Variants in FAM135A observed in about 807,000 individuals in gnomAD.
FAM135A encodes the protein protein FAM135A.
FAM135A carries 79 observed loss-of-function variants against 146.8 expected under a neutral mutation model. That is an observed-to-expected ratio of 0.54 (90% CI 0.45 to 0.65). FAM135A has a LOEUF of 0.65. FAM135A is among the 30% of genes least tolerant of loss of function. The pLI is 0.00. For synonymous variants in FAM135A, 562 were observed against 603.6 expected (o/e 0.93, Z 1.01); for missense variants, 1,623 against 1,758.2 (o/e 0.92, Z 1.38).
chr6:70,471,210 A>G (rs1428843637), intron 5 of FAM135A, among the ~76,000 whole-genome samples: 1 of 152,246 alleles, frequency 6.6e-6, no homozygotes, highest in Non-Finnish European at 1.5e-5. Flanking sequence ...ATCCAGGTCA[A>G]TATGACAAAG....
At chr6:70,537,751 T>A (rs1284294983) in intron 19 of FAM135A, among the ~76,000 whole-genome samples, 2 of 152,184 alleles carry the variant, frequency 1.3e-5, no homozygotes. Flanking sequence ...AAGAGCAAGA[T>A]GCATTTAAAT....
At chr6:70,424,443 G>A (rs1769571089) in intron 2 of FAM135A, among the ~76,000 whole-genome samples, 1 of 152,152 alleles carries the variant, frequency 6.6e-6, no homozygotes, top group African/African-American at 2.4e-5. Context: ...ATTTATTTCT[G>A]TCTATGCACC....
intron 7 of FAM135A, among the ~76,000 whole-genome samples, chr6:70,476,350 A>C (rs1314270880): frequency 6.6e-6 from 1 of 152,184 alleles, no homozygotes; most frequent in East Asian, 1.9e-4. Flanking sequence ...TTTTAGCAAT[A>C]ATTCTCAAAA....
At chr6:70,498,268 G>A (rs1400816187) in intron 11 of FAM135A, among the ~76,000 whole-genome samples, 2 of 152,186 alleles carry the variant, frequency 1.3e-5, no homozygotes, top group African/African-American at 4.8e-5. Flanking sequence ...GTGTAGAGGT[G>A]TTGATAGTAT....
chr6:70,438,060 A>G (rs1773624638), intron 4 of FAM135A, among the ~76,000 whole-genome samples: 2 of 152,234 alleles, frequency 1.3e-5, no homozygotes, highest in Non-Finnish European at 2.9e-5. Flanking sequence ...AAAAGAAACA[A>G]ACCAGCCAGA....
chr6:70,496,461 C>T (rs141048436), intron 11 of FAM135A, among the ~76,000 whole-genome samples: 1 of 137,736 alleles, frequency 7.3e-6, no homozygotes. Context: ...GTTGCCTGTT[C>T]ACTCTGATGA....
chr6:70,413,655 G>T lies in FAM135A; in HGVS notation c.-267G>T. ...GGCCGTCTTCTTGCAGCTGGACAAC[G>T]AGCTCCTCCGTTCGACAGGCGGGGG... On this transcript the variant is annotated 5_prime_UTR_variant, in exon 1 of 22. Coordinates refer to ENST00000418814, the MANE Select transcript of FAM135A (RefSeq NM_001162529.3). The T allele has an allele frequency of 6.9e-6, 2 of 291,806 alleles. No individual in the cohort carries two copies. Among genetic ancestry groups the T allele is most frequent in the Non-Finnish European group, 1.0e-5 (2 of 195,362 alleles). The allele number at this position is 291,806 out of a possible 1,614,324, so 18.1% of individuals were successfully genotyped here. A position where few individuals can be genotyped will look rare whatever the true frequency, so the allele number is the denominator to read the frequency against.
At chr6:70,449,542 TGCCCTCTAG>T (rs1330072120) in intron 4 of FAM135A, among the ~76,000 whole-genome samples, 1 of 152,232 alleles carries the variant, frequency 6.6e-6, no homozygotes, top group Non-Finnish European at 1.5e-5. Flanking sequence ...CTTTGCATAA[TGCCCTCTAG>T]GTTCATTCAT....
intron 4 of FAM135A, among the ~76,000 whole-genome samples, chr6:70,443,854 T>A (rs1264902974): frequency 6.6e-6 from 1 of 152,194 alleles, no homozygotes; most frequent in Non-Finnish European, 1.5e-5. Flanking sequence ...CAAAAGCAGC[T>A]TAATTGCTTT....
intron 1 of FAM135A, 91 bp downstream of exon 1, chr6:70,413,793 G>A (rs928329275): frequency 9.1e-6 from 9 of 985,148 alleles, no homozygotes; most frequent in Non-Finnish European, 1.1e-5. Flanking sequence ...CAGGAAGGAA[G>A]CGGCCTCCTC....
chr6:70,547,240 A>T (rs1392915619), intron 20 of FAM135A, among the ~76,000 whole-genome samples: 1 of 152,166 alleles, frequency 6.6e-6, no homozygotes, highest in Non-Finnish European at 1.5e-5. Context: ...CTTAGGTATC[A>T]CTTTTGATAT....
Position 70,531,888 on chromosome 6 carries a change from CTTTTTTTTTTTTTTTT to C in FAM135A, c.3776-1262_3776-1247del, listed in dbSNP as rs869128532. 2.4e-3 allele frequency among the ~76,000 whole-genome samples: 206 copies of C among 85,720 alleles called. 1 individual carries two copies. The highest frequency in any genetic ancestry group is 3.8e-3 in the Non-Finnish European group (172 of 45,214). 56.2% of individuals were successfully genotyped at this position (85,720 alleles called of 152,430 possible). On this transcript the variant is annotated intron_variant, in intron 16 of 21. Coordinates refer to ENST00000418814, the MANE Select transcript of FAM135A (RefSeq NM_001162529.3). ...ATAAGGTTTCTTTTTAAACTGATTT[CTTTTTTTTTTTTTTTT>C]TTTTTTTTTGAGACAGAATCTCACT...
intron 16 of FAM135A, 134 bp from the exon 17 acceptor site, chr6:70,533,026 A>G (rs1582806192): frequency 2.9e-6 from 2 of 690,170 alleles, no homozygotes; most frequent in South Asian, 1.7e-5. Context: ...TGAGAACTCT[A>G]TTTCATTGTA....
At chr6:70,463,906 G>GT (rs1201547545) in intron 5 of FAM135A, among the ~76,000 whole-genome samples, 1 of 152,116 alleles carries the variant, frequency 6.6e-6, no homozygotes, top group African/African-American at 2.4e-5. Context: ...TTTTTACCTG[G>GT]TTTAAGAGAT....
intron 8 of FAM135A, among the ~76,000 whole-genome samples, chr6:70,477,967 T>C (rs970504205): frequency 6.6e-6 from 1 of 152,180 alleles, no homozygotes; most frequent in African/African-American, 2.4e-5. Flanking sequence ...ACATTGTTTA[T>C]TCTGTACCTA....
chr6:70,533,143 C>G lies in FAM135A; in HGVS notation c.3776-17C>G. 6.3e-7 allele frequency: 1 copy of G among 1,592,462 alleles called. No homozygotes were observed. The highest frequency in any genetic ancestry group is 1.3e-5 in the African/African-American group (1 of 74,588). On this transcript the variant is annotated splice_polypyrimidine_tract_variant and intron_variant, in intron 16 of 21. Coordinates refer to ENST00000418814, the MANE Select transcript of FAM135A (RefSeq NM_001162529.3). ...TTACTTTATCTCATCCTTTAAACAT[C>G]ATTTTTCATTTTTTAGGAAACAGTG... is the stretch of plus-strand genomic sequence containing the variant.
chr6:70,523,058 G>A (rs1295621830), intron 13 of FAM135A, among the ~76,000 whole-genome samples: 1 of 152,004 alleles, frequency 6.6e-6, no homozygotes, highest in Non-Finnish European at 1.5e-5. Context: ...TGGCATTAAG[G>A]AATATTTTGA....
intron 12 of FAM135A, among the ~76,000 whole-genome samples, chr6:70,514,599 A>G (rs1323181574): frequency 6.6e-6 from 1 of 152,170 alleles, no homozygotes; most frequent in African/African-American, 2.4e-5. Flanking sequence ...CTGTCCCCAA[A>G]ATTGGTGAGT....
chr6:70,540,247 T>C (rs1411087279), intron 20 of FAM135A, among the ~76,000 whole-genome samples: 2 of 151,922 alleles, frequency 1.3e-5, no homozygotes, highest in African/African-American at 4.8e-5. Context: ...TCTGTTACTG[T>C]GATGTCTTAT....
Sources: allele counts gnomAD v4.1 joint callset (sites outside exome capture counted in the v4.1 genomes callset), GRCh38; gene constraint gnomAD v4.1.1; transcripts MANE v1.5; gene names NCBI Gene and HGNC (gene_info 2026-07-23, HGNC 2026-07-21).